Variants in ANGPT1 observed in about 807,000 individuals in gnomAD.
ANGPT1 encodes the protein angiopoietin-1.
In ANGPT1, 17 loss-of-function variants were observed where a neutral mutation model predicts 62.2. The ratio of observed to expected loss-of-function variants is 0.27; its 90% CI spans 0.19 to 0.41. The LOEUF is 0.41. Ranked by LOEUF, ANGPT1 falls within the 10% of genes least tolerant of loss-of-function variation. The probability of loss-of-function intolerance (pLI) is 1.00; values close to 1 mark genes in which losing one functional copy is unlikely to be tolerated. For missense variants in ANGPT1, 478 were observed against 594.9 expected, an observed-to-expected ratio of 0.80 and a Z score of 2.04; for synonymous variants, 199 against 198.9, an observed-to-expected ratio of 1.00 and a Z score of 0.00.
rs368220897 is a variant in ANGPT1 at position 107,436,005 on chromosome 8, C to T, written c.297+61257G>A. 1.4e-4 allele frequency among the ~76,000 whole-genome samples: 21 copies of T among 152,278 alleles called. No individual in the cohort carries two copies. The East Asian group carries it at 2.1e-3, about 15-fold the overall frequency. ...GCAGTCTCAACCTCCTGGGCCCAAG[C>T]CATCCTCTCACCTCAGCCTCCCGAG... On this transcript the variant is annotated intron_variant, in intron 1 of 8. Transcript: ENST00000517746.
At chr8:107,321,846 T>C in intron 4 of ANGPT1, 50 bp downstream of exon 4, 1 of 1,520,568 alleles carries the variant, frequency 6.6e-7, no homozygotes, top group Non-Finnish European at 9.1e-7. Context: ...ATTTACTTGA[T>C]CAAAGGAAAT....
At chr8:107,259,873 T>G in intron 8 of ANGPT1, among the ~76,000 whole-genome samples, 1 of 152,060 alleles carries the variant, frequency 6.6e-6, no homozygotes, top group East Asian at 1.9e-4. Flanking sequence ...GTAACAAAAA[T>G]TTGTCACTGT....
At chr8:107,285,313 C>T (rs1204708790) in intron 6 of ANGPT1, among the ~76,000 whole-genome samples, 1 of 152,082 alleles carries the variant, frequency 6.6e-6, no homozygotes. Context: ...TCAACAATAA[C>T]TTCATATTTA....
At chr8:107,426,256 A>G (rs569914904) in intron 1 of ANGPT1, among the ~76,000 whole-genome samples, 1 of 152,298 alleles carries the variant, frequency 6.6e-6, no homozygotes, top group East Asian at 1.9e-4. Flanking sequence ...TGCCTCCAGC[A>G]GCACAGATGT....
At chr8:107,492,921 A>G (rs1813002526) in intron 1 of ANGPT1, among the ~76,000 whole-genome samples, 1 of 150,400 alleles carries the variant, frequency 6.6e-6, no homozygotes, top group Non-Finnish European at 1.5e-5. Flanking sequence ...ATGGCTCCCT[A>G]CTGTACTGAA....
chr8:107,413,866 G>T (rs1014981049), intron 1 of ANGPT1, among the ~76,000 whole-genome samples: 11 of 152,082 alleles, frequency 7.2e-5, no homozygotes, highest in African/African-American at 2.7e-4. Context: ...TCTTGCAGAA[G>T]GAGGATGGAA....
chr8:107,490,177 G>T (rs983729586), intron 1 of ANGPT1, among the ~76,000 whole-genome samples: 1 of 152,204 alleles, frequency 6.6e-6, no homozygotes, highest in East Asian at 1.9e-4. Context: ...CAAATGACAG[G>T]GGGGAAAGGT....
At position 107,346,969 on chromosome 8, in the gene ANGPT1, G is replaced by C; in HGVS notation, c.426C>G (p.Thr142=). ...GGGTCTCAACATCTGTCAGCTTTCT[G>C]GTCTGCTCTGCAGTCTGAGAGAGGA... ...TSLLSQTAEQ[T]RKLTDVETQV... Residue 142 remains threonine, a synonymous_variant, in exon 2 of 9, where the codon ACC becomes ACG. Transcript: ENST00000517746. 1.2e-6 allele frequency: 2 copies of C among 1,613,198 alleles called. No homozygotes were observed. The highest frequency in any genetic ancestry group is 1.7e-6 in the Non-Finnish European group (2 of 1,179,448).
rs76646947 is a variant in ANGPT1, at chr8:107,356,809, A to G, written c.298-9712T>C. On this transcript the variant is annotated intron_variant, in intron 1 of 8. Transcript: ENST00000517746. ...AACAGCATACCATTAATGCCATACCACACACATGCGGCAAGGGCACAGCAT... is the reference window on the plus strand; with the variant it reads ...AACAGCATACCATTAATGCCATACCGCACACATGCGGCAAGGGCACAGCAT... 3.6e-3 allele frequency among the ~76,000 whole-genome samples: 548 copies of G among 152,332 alleles called. 2 individuals are homozygous for G. The highest frequency in any genetic ancestry group is 6.8e-3 in the Middle Eastern group (2 of 294).
At chr8:107,431,907 T>A (rs1434769651) in intron 1 of ANGPT1, among the ~76,000 whole-genome samples, 1 of 152,164 alleles carries the variant, frequency 6.6e-6, no homozygotes, top group Non-Finnish European at 1.5e-5. Flanking sequence ...CAAACTTACA[T>A]CTTAAAATGA....
intron 1 of ANGPT1, among the ~76,000 whole-genome samples, chr8:107,488,701 T>C (rs973172777): frequency 1.4e-4 from 21 of 152,146 alleles, no homozygotes; most frequent in Admixed American, 2.6e-4. Context: ...AATTAGAAAA[T>C]AATAAGAAGA....
At chr8:107,347,267 A>G (rs530352411) in intron 1 of ANGPT1, among the ~76,000 whole-genome samples, 170 bp from the exon 2 acceptor site, 1 of 152,222 alleles carries the variant, frequency 6.6e-6, no homozygotes, top group Non-Finnish European at 1.5e-5. Context: ...ACAGGAATCC[A>G]GTTGTCAACA....
In ANGPT1 at chr8:107,299,391, GTATATATATA is replaced by G. The variant is rs59247214; in HGVS notation, c.936+3839_936+3848del. On this transcript the variant is annotated intron_variant, in intron 5 of 8. Coordinates refer to ENST00000517746, the MANE Select transcript of ANGPT1 (RefSeq NM_001146.5). ...TGTTGAAAAGAGTAAATGAAGGAGT[GTATATATATA>G]TATATATATATATATATATAAACAT... Among the ~76,000 whole-genome samples, 196 of 112,580 alleles carry G rather than the reference GTATATATATA, an allele frequency of 1.7e-3. 4 individuals carry two copies. The East Asian group carries it at 0.028, about 16-fold the overall frequency. 73.9% of individuals were successfully genotyped at this position (112,580 alleles called of 152,430 possible). A position where few individuals can be genotyped will look rare whatever the true frequency, so the allele number is the denominator to read the frequency against.
chr8:107,450,727 T>TGTGTGC (rs1811751907), intron 1 of ANGPT1, among the ~76,000 whole-genome samples: 2 of 148,304 alleles, frequency 1.3e-5, no homozygotes, highest in East Asian at 3.9e-4. Context: ...TGTGTGTGTG[T>TGTGTGC]GTGCATGTGT....
chr8:107,304,658 A>G (rs1814672876), intron 4 of ANGPT1, among the ~76,000 whole-genome samples: 5 of 151,898 alleles, frequency 3.3e-5, no homozygotes. Context: ...TTATGGAAAT[A>G]ATTACTATTT....
At chr8:107,334,420 CTG>C (rs1563574250) in intron 3 of ANGPT1, among the ~76,000 whole-genome samples, 1 of 151,950 alleles carries the variant, frequency 6.6e-6, no homozygotes, top group Non-Finnish European at 1.5e-5. Context: ...GACTTCCAGA[CTG>C]TGTGTAAGGT....
chr8:107,257,157 G>A (rs1813378381), intron 8 of ANGPT1, among the ~76,000 whole-genome samples: 1 of 152,174 alleles, frequency 6.6e-6, no homozygotes, highest in Non-Finnish European at 1.5e-5. Context: ...ACCGCGCTCA[G>A]CCTCAAATGT....
rs998964251 is a variant in ANGPT1, at chr8:107,250,603, A to T, written c.*1252T>A. 3 of 152,114 alleles carry T rather than the reference A, an allele frequency of 2.0e-5. No homozygotes were observed. Among genetic ancestry groups the T allele is most frequent in the African/African-American group, 7.2e-5 (3 of 41,454 alleles). The allele number at this position is 152,114 out of a possible 1,614,324, so 9.4% of individuals were successfully genotyped here. A position where few individuals can be genotyped will look rare whatever the true frequency, so the allele number is the denominator to read the frequency against. On this transcript the variant is annotated 3_prime_UTR_variant, in exon 9 of 9. Coordinates refer to ENST00000517746, the MANE Select transcript of ANGPT1 (RefSeq NM_001146.5). ...TTTGAGCATTTGTGTTATTTGCATC[A>T]ATTAAGGACAATGTTGCATATTCCA...
intron 1 of ANGPT1, among the ~76,000 whole-genome samples, chr8:107,413,937 C>T (rs994572786): frequency 1.5e-4 from 23 of 151,978 alleles, no homozygotes; most frequent in African/African-American, 5.1e-4. Context: ...GTGGTGAATG[C>T]TCACCAGTTA....
Sources: gnomAD v4.1 joint callset for allele counts (sites outside exome capture counted in the v4.1 genomes callset) on GRCh38, gnomAD v4.1.1 for gene constraint, MANE v1.5 for transcripts, NCBI Gene and HGNC (gene_info 2026-07-23, HGNC 2026-07-21) for gene names.